Variants in FSHR observed in about 807,000 individuals in gnomAD.
The protein encoded by FSHR is follicle stimulating hormone receptor.
In FSHR, 46 loss-of-function variants were observed where a neutral mutation model predicts 52.1. The observed-to-expected ratio is 0.88, with a 90% CI of 0.70 to 1.13. FSHR has a LOEUF of 1.13. Among genes scored for constraint, FSHR ranks in the 50% most tolerant of loss-of-function variants. The pLI is 0.00. For missense variants in FSHR, 964 were observed against 834.6 expected (o/e 1.16, Z -1.91); for synonymous variants, 399 against 309.6 (o/e 1.29, Z -3.03).
intron 2 of FSHR, among the ~76,000 whole-genome samples, chr2:49,054,470 C>T (rs928259288): frequency 6.6e-6 from 1 of 152,080 alleles, no homozygotes; most frequent in Admixed American, 6.5e-5. Flanking sequence ...CTGTGGGCCA[C>T]CCCAAGCAGA....
intron 4 of FSHR, among the ~76,000 whole-genome samples, chr2:48,995,333 A>T (rs2104120878): frequency 1.3e-5 from 2 of 152,220 alleles, no homozygotes; most frequent in East Asian, 3.9e-4. Flanking sequence ...AGTTCAGGGA[A>T]GGGGCTGGAG....
intron 1 of FSHR, among the ~76,000 whole-genome samples, chr2:49,110,751 G>A (rs556390442): frequency 6.6e-6 from 1 of 152,112 alleles, no homozygotes; most frequent in African/African-American, 2.4e-5. Context: ...AGTTGCTGCT[G>A]GGGAATAGCT....
At chr2:49,067,294 T>A (rs1252143432) in intron 2 of FSHR, among the ~76,000 whole-genome samples, 1 of 152,124 alleles carries the variant, frequency 6.6e-6, no homozygotes, top group African/African-American at 2.4e-5. Context: ...TGTGATTCTT[T>A]TGTTATTGGA....
intron 2 of FSHR, among the ~76,000 whole-genome samples, chr2:49,025,990 A>T (rs1299617173): frequency 6.6e-6 from 1 of 152,166 alleles, no homozygotes; most frequent in Non-Finnish European, 1.5e-5. Context: ...TGTGGTGAGG[A>T]TGTTGCCACA....
At chr2:49,059,362 G>C (rs181632740) in intron 2 of FSHR, among the ~76,000 whole-genome samples, 1 of 151,832 alleles carries the variant, frequency 6.6e-6, no homozygotes, top group East Asian at 1.9e-4. Flanking sequence ...CAAACTACCA[G>C]ACTTCAAAAT....
chr2:49,078,031 A>T (rs999054383), intron 1 of FSHR, among the ~76,000 whole-genome samples: 2 of 152,162 alleles, frequency 1.3e-5, no homozygotes, highest in Admixed American at 6.5e-5. Flanking sequence ...AGTCACTTCC[A>T]CATTTTCAGG....
chr2:49,020,948 T>C (rs1667674889), intron 2 of FSHR, among the ~76,000 whole-genome samples: 1 of 151,668 alleles, frequency 6.6e-6, no homozygotes, highest in Non-Finnish European at 1.5e-5. Context: ...GGGGGTAGGA[T>C]TGAGGGAGGG....
chr2:48,978,459 G>A (rs1675090925), intron 8 of FSHR, among the ~76,000 whole-genome samples: 1 of 152,218 alleles, frequency 6.6e-6, no homozygotes. Flanking sequence ...AAATAACTCA[G>A]TGTTTGAATC....
At chr2:49,137,637 T>A (rs1672532774) in intron 1 of FSHR, among the ~76,000 whole-genome samples, 1 of 152,092 alleles carries the variant, frequency 6.6e-6, no homozygotes, top group African/African-American at 2.4e-5. Context: ...AGGATAGATA[T>A]ATAAGTAAAT....
Position 49,154,159 on chromosome 2 carries a change from G to A in FSHR, c.152+107C>T, listed in dbSNP as rs1043985457. On this transcript the variant is annotated intron_variant, in intron 1 of 9. Transcript: ENST00000406846. ...TTTTATTCAGGACTTCGGTCAAGGG[G>A]CAGAAATATTTCAGTCTAACAGATA... 10 of 1,235,082 alleles carry A rather than the reference G, an allele frequency of 8.1e-6. No individual in the cohort carries two copies. In the African/African-American group the frequency reaches 1.0e-4, roughly 13 times the overall value. 76.5% of individuals were successfully genotyped at this position (1,235,082 alleles called of 1,614,324 possible).
chr2:49,042,979 C>G (rs916812560), intron 2 of FSHR, among the ~76,000 whole-genome samples: 1 of 152,056 alleles, frequency 6.6e-6, no homozygotes, highest in Non-Finnish European at 1.5e-5. Context: ...TATAGCAGAT[C>G]CTATAGCACT....
intron 2 of FSHR, among the ~76,000 whole-genome samples, chr2:49,042,231 C>T (rs1668501449): frequency 6.6e-6 from 1 of 152,188 alleles, no homozygotes. Flanking sequence ...AACTCACCTT[C>T]CAATTTTTTT....
Position 49,079,837 on chromosome 2 carries a change from C to T in FSHR, c.153-11547G>A, listed in dbSNP as rs185347702. ...TTTTTAAAAAAACACACAAAAATCCCGCACTAAAATTGAAAAATTAATAAA... is the reference window on the plus strand; with the variant it reads ...TTTTTAAAAAAACACACAAAAATCCTGCACTAAAATTGAAAAATTAATAAA... On this transcript the variant is annotated intron_variant, in intron 1 of 9. Coordinates refer to ENST00000406846, the MANE Select transcript of FSHR (RefSeq NM_000145.4). Among the ~76,000 whole-genome samples the T allele has an allele frequency of 2.4e-4, 37 of 151,918 alleles. No individual in the cohort carries two copies. The East Asian group carries it at 5.8e-3, about 24-fold the overall frequency.
At chr2:49,020,939 G>C (rs1026600381) in intron 2 of FSHR, among the ~76,000 whole-genome samples, 8 of 152,082 alleles carry the variant, frequency 5.3e-5, no homozygotes, top group Non-Finnish European at 8.8e-5. Flanking sequence ...GGCCTGTCAG[G>C]GGGTAGGATT....
chr2:48,985,381 G>A (rs1021590050), intron 6 of FSHR, among the ~76,000 whole-genome samples: 2 of 152,032 alleles, frequency 1.3e-5, no homozygotes, highest in Non-Finnish European at 2.9e-5. Flanking sequence ...CACGAAGCAG[G>A]TCTCTCCTGA....
rs571058198 is a variant in FSHR at position 49,064,976 on chromosome 2, T to C, written c.224+3243A>G. ...CATCTACATAAGAACAGTGTGAAAG[T>C]ATATTTTGTTCATTTGTTTATTTGT... On this transcript the variant is annotated intron_variant, in intron 2 of 9. Coordinates refer to ENST00000406846, the MANE Select transcript of FSHR (RefSeq NM_000145.4). Among the ~76,000 whole-genome samples the C allele has an allele frequency of 2.0e-5, 3 of 152,236 alleles. No individual in the cohort carries two copies. The East Asian group carries it at 5.8e-4, about 29-fold the overall frequency.
At chr2:49,098,563 T>C (rs1367399123) in intron 1 of FSHR, among the ~76,000 whole-genome samples, 1 of 151,766 alleles carries the variant, frequency 6.6e-6, no homozygotes, top group African/African-American at 2.4e-5. Context: ...GAAAGATAGG[T>C]ACCAGATTTT....
chr2:48,987,738 GCT>G (rs1245232489), intron 6 of FSHR, among the ~76,000 whole-genome samples: 1 of 151,554 alleles, frequency 6.6e-6, no homozygotes, highest in Non-Finnish European at 1.5e-5. Context: ...TAGAATGATT[GCT>G]CTTTTTTTCT....
At chr2:49,129,310 G>A (rs1367489873) in intron 1 of FSHR, among the ~76,000 whole-genome samples, 1 of 152,086 alleles carries the variant, frequency 6.6e-6, no homozygotes. Context: ...AGGCCAGATA[G>A]CCTGATTTCT....
Sources: allele counts gnomAD v4.1 joint callset (sites outside exome capture counted in the v4.1 genomes callset), GRCh38; gene constraint gnomAD v4.1.1; transcripts MANE v1.5; gene names NCBI Gene and HGNC (gene_info 2026-07-23, HGNC 2026-07-21).